ECT2L: variants seen among roughly 807,000 people sequenced by gnomAD.
ECT2L encodes the protein epithelial cell transforming 2 like.
A neutral mutation model predicts 122.8 loss-of-function variants in ECT2L; 126 were observed. That is an observed-to-expected ratio of 1.03 (90% confidence interval 0.89 to 1.19). The LOEUF is 1.19. Among genes scored for constraint, ECT2L ranks in the 50% most tolerant of loss-of-function variants. The probability of loss-of-function intolerance (pLI) is 0.00; values close to 1 mark genes in which losing one functional copy is unlikely to be tolerated. For missense variants in ECT2L, 1,012 were observed against 1,064.1 expected (o/e 0.95, Z 0.68); for synonymous variants, 385 against 381.8 (o/e 1.01, Z -0.10).
intron 20 of ECT2L, among the ~76,000 whole-genome samples, chr6:138,893,239 G>T (rs867532654): frequency 6.7e-6 from 1 of 148,292 alleles, no homozygotes. Flanking sequence ...GGTTAGAGGT[G>T]GCTGGAGTTG....
chr6:138,875,746 G>A (rs1188666493), intron 13 of ECT2L, among the ~76,000 whole-genome samples: 1 of 152,220 alleles, frequency 6.6e-6, no homozygotes, highest in African/African-American at 2.4e-5. Flanking sequence ...TGAGTTTTGT[G>A]AGCTTTTCCT....
intron 1 of ECT2L, among the ~76,000 whole-genome samples, chr6:138,803,643 G>T (rs1355469890): frequency 1.3e-5 from 2 of 152,124 alleles, no homozygotes; most frequent in African/African-American, 4.8e-5. Context: ...AATATAGTTT[G>T]CCAAGACACA....
Position 138,838,495 on chromosome 6 carries a change from G to A in ECT2L, c.323G>A (p.Trp108Ter), listed in dbSNP as rs201725092. ...GCCGCTGCCCAAGTCAGCTGGCCCT[G>A]GAAGTTTTTAACTGAACAGGTTTAC... ...LCAAAQVSWP[W>*]KFLTEQDCLW... is the part of the protein sequence containing the mutation. Residue 108 changes from tryptophan (W) to a stop codon, truncating the protein, a stop_gained, in exon 5 of 22, where the codon TGG (tryptophan) becomes TAG (stop). Coordinates refer to ENST00000541398, the MANE Select transcript of ECT2L (RefSeq NM_001077706.3). LOFTEE classifies it high-confidence loss of function. 1.5e-4 allele frequency: 239 copies of A among 1,611,948 alleles called. No homozygotes were observed. Among genetic ancestry groups the A allele is most frequent in the Non-Finnish European group, 1.9e-4 (228 of 1,179,450 alleles).
chr6:138,890,703 T>G (rs998297943), intron 20 of ECT2L, among the ~76,000 whole-genome samples: 1 of 152,106 alleles, frequency 6.6e-6, no homozygotes, highest in Non-Finnish European at 1.5e-5. Flanking sequence ...AGTTTGATTT[T>G]CTATATCATT....
chr6:138,853,781 T>C (rs914403510), intron 9 of ECT2L, among the ~76,000 whole-genome samples: 1 of 152,110 alleles, frequency 6.6e-6, no homozygotes, highest in Admixed American at 6.6e-5. Context: ...TGCTGCACAG[T>C]GGAGGCAGAA....
intron 20 of ECT2L, 102 bp from the exon 21 acceptor site, chr6:138,900,846 G>A: frequency 1.6e-6 from 2 of 1,270,226 alleles, no homozygotes; most frequent in Non-Finnish European, 2.1e-6. Context: ...CAGTAGTGGG[G>A]TAAAAGCCTT....
chr6:138,898,941 A>G (rs974506060), intron 20 of ECT2L, among the ~76,000 whole-genome samples: 1 of 152,192 alleles, frequency 6.6e-6, no homozygotes, highest in African/African-American at 2.4e-5. Context: ...AACAATATTT[A>G]ATAAAATAGA....
chr6:138,811,682 A>T (rs976550527), intron 1 of ECT2L, among the ~76,000 whole-genome samples: 2 of 151,940 alleles, frequency 1.3e-5, no homozygotes, highest in Admixed American at 1.3e-4. Context: ...TTATTTATTT[A>T]TTTTTTTGAG....
chr6:138,829,006 G>T (rs958564309), intron 4 of ECT2L, among the ~76,000 whole-genome samples: 1 of 148,818 alleles, frequency 6.7e-6, no homozygotes. Flanking sequence ...AGGCTAAGGC[G>T]CTGGCTAAGT....
intron 1 of ECT2L, among the ~76,000 whole-genome samples, chr6:138,796,726 G>A (rs1775358697): frequency 6.6e-6 from 1 of 152,294 alleles, no homozygotes. Context: ...TAAAACAGTG[G>A]TACTTTAAAA....
chr6:138,902,785 A>G lies in ECT2L; in HGVS notation c.*158A>G, dbSNP rs964339931. ...AGGATCTTTCCAACTTTTAAACTTT[A>G]TCACTTGTGCTCACTTATGTAGAAT... On this transcript the variant is annotated 3_prime_UTR_variant, in exon 22 of 22. Coordinates refer to ENST00000541398, the MANE Select transcript of ECT2L (RefSeq NM_001077706.3). 34 of 877,444 alleles carry G rather than the reference A, an allele frequency of 3.9e-5. No homozygotes were observed. In the African/African-American group the frequency reaches 5.8e-4, roughly 15 times the overall value. 54.4% of individuals were successfully genotyped at this position (877,444 alleles called of 1,614,324 possible). A position where few individuals can be genotyped will look rare whatever the true frequency, so the allele number is the denominator to read the frequency against.
intron 20 of ECT2L, among the ~76,000 whole-genome samples, chr6:138,895,526 C>CATA (rs1779177068): frequency 6.6e-6 from 1 of 152,048 alleles, no homozygotes; most frequent in African/African-American, 2.4e-5. Context: ...AAGCCTTCCT[C>CATA]ATAATAATCT....
chr6:138,846,739 TCTAGA>T (rs1274555490), intron 8 of ECT2L, 62 bp downstream of exon 8: 2 of 1,400,100 alleles, frequency 1.4e-6, no homozygotes, highest in African/African-American at 1.5e-5. Flanking sequence ...TTTTTTTTCA[TCTAGA>T]CTAGAGGGTG....
chr6:138,797,544 T>C (rs936698424), intron 1 of ECT2L, among the ~76,000 whole-genome samples: 3 of 152,198 alleles, frequency 2.0e-5, no homozygotes, highest in Non-Finnish European at 4.4e-5. Flanking sequence ...ATTGACATCA[T>C]TGCTCTTCTG....
intron 13 of ECT2L, among the ~76,000 whole-genome samples, chr6:138,873,950 A>T (rs1036236728): frequency 5.5e-5 from 8 of 145,680 alleles, no homozygotes; most frequent in Non-Finnish European, 8.9e-5. Flanking sequence ...CCACCTACCT[A>T]CCTACCTATC....
In ECT2L at chr6:138,828,693, T is replaced by A. The variant is rs563506059; in HGVS notation, c.180-9659T>A. 9.3e-4 allele frequency among the ~76,000 whole-genome samples: 142 copies of A among 152,318 alleles called. 3 individuals carry two copies. Among genetic ancestry groups the A allele is most frequent in the Non-Finnish European group, 2.6e-4 (18 of 68,032 alleles). On this transcript the variant is annotated intron_variant, in intron 4 of 21. Transcript: ENST00000541398. ...ATAAAGAGAAACTTTCCCTCCTTAA[T>A]GACTTGCTTTCCCGAGGTAGAGTTC... is the stretch of plus-strand genomic sequence containing the variant.
chr6:138,841,203 T>C (rs1777027771), intron 5 of ECT2L, among the ~76,000 whole-genome samples: 1 of 152,214 alleles, frequency 6.6e-6, no homozygotes, highest in Admixed American at 6.5e-5. Context: ...ATGATTACAA[T>C]ATTTGGATCA....
chr6:138,820,346 G>A (rs1776231364), intron 4 of ECT2L, among the ~76,000 whole-genome samples: 1 of 152,218 alleles, frequency 6.6e-6, no homozygotes, highest in South Asian at 2.1e-4. Flanking sequence ...CTTCCATCCT[G>A]CTAGCTGTGG....
At chr6:138,812,263 A>G (rs577384674) in intron 1 of ECT2L, among the ~76,000 whole-genome samples, 1 of 152,142 alleles carries the variant, frequency 6.6e-6, no homozygotes. Context: ...TGTGCAAGTC[A>G]CCCAGTCTGT....
Sources: allele counts gnomAD v4.1 joint callset (sites outside exome capture counted in the v4.1 genomes callset), GRCh38; gene constraint gnomAD v4.1.1; transcripts MANE v1.5; gene names NCBI Gene and HGNC (gene_info 2026-07-23, HGNC 2026-07-21).